Variants in DNAJC11 observed in about 807,000 individuals in gnomAD.
DNAJC11 encodes the protein DnaJ heat shock protein family (Hsp40) member C11, also known as dnaJ homolog subfamily C member 11.
In DNAJC11, 15 loss-of-function variants were observed where a neutral mutation model predicts 78.6. The ratio of observed to expected loss-of-function variants is 0.19; its 90% CI spans 0.13 to 0.29. DNAJC11 has a LOEUF of 0.29. DNAJC11 is among the 10% of genes least tolerant of loss of function. The pLI is 1.00. For missense variants in DNAJC11, 547 were observed against 709.6 expected, an observed-to-expected ratio of 0.77 and a Z score of 2.60; for synonymous variants, 292 against 272.1, an observed-to-expected ratio of 1.07 and a Z score of -0.72.
intron 1 of DNAJC11, among the ~76,000 whole-genome samples, chr1:6,693,230 C>T (rs1406226387): frequency 6.6e-6 from 1 of 152,028 alleles, no homozygotes; most frequent in Non-Finnish European, 1.5e-5. Flanking sequence ...ATTTCATAAA[C>T]TAATGCTTAG....
Position 6,645,796 on chromosome 1 carries a change from G to A in DNAJC11, c.887C>T (p.Ala296Val). 1 of 1,613,878 alleles carries A rather than the reference G, an allele frequency of 6.2e-7. No individual in the cohort carries two copies. The highest frequency in any genetic ancestry group is 8.5e-7 in the Non-Finnish European group (1 of 1,179,754). Residue 296 changes from alanine to valine, a missense_variant, in exon 8 of 16, where the codon GCC becomes GTC. Ala to Val is a moderately conservative substitution (Grantham distance 64, BLOSUM62 0). Transcript: ENST00000377577. The surrounding 1 kb of genome is among the most constrained non-coding windows in gnomAD (Gnocchi z 4.1). ...RDTKTSHFTV[A>V]LQLGIPHSFA... ...GATGGCTGCTCGGCTCACCTGCAGGGCCACAGTGAAGTGGCTGGTTTTAGT... is the reference window on the plus strand; with the variant it reads ...GATGGCTGCTCGGCTCACCTGCAGGACCACAGTGAAGTGGCTGGTTTTAGT...
chr1:6,669,438 C>A (rs1269513115), intron 3 of DNAJC11, among the ~76,000 whole-genome samples: 1 of 151,396 alleles, frequency 6.6e-6, no homozygotes, highest in African/African-American at 2.4e-5. Context: ...TTGAACCCGG[C>A]AGGCGGAGTT....
chr1:6,677,534 T>A (rs1642483725), intron 3 of DNAJC11, among the ~76,000 whole-genome samples: 1 of 152,230 alleles, frequency 6.6e-6, no homozygotes, highest in Admixed American at 6.5e-5. Flanking sequence ...TGGCCTCATG[T>A]GATCCTCCCA....
intron 7 of DNAJC11, among the ~76,000 whole-genome samples, 159 bp downstream of exon 7, chr1:6,651,370 C>A (rs966413022): frequency 1.3e-5 from 2 of 152,220 alleles, no homozygotes; most frequent in African/African-American, 4.8e-5. Flanking sequence ...CTGCACACTG[C>A]CTGGGCTTCA....
At chr1:6,641,575 T>C (rs1248816428) in intron 10 of DNAJC11, among the ~76,000 whole-genome samples, 1 of 151,334 alleles carries the variant, frequency 6.6e-6, no homozygotes, top group East Asian at 1.9e-4. Flanking sequence ...TCTCACTCTG[T>C]CATCTAGGCT....
intron 3 of DNAJC11, among the ~76,000 whole-genome samples, chr1:6,676,741 C>T (rs1262853889): frequency 6.6e-6 from 1 of 151,978 alleles, no homozygotes; most frequent in Non-Finnish European, 1.5e-5. Flanking sequence ...CATGAGCCAC[C>T]AATATGAAGC....
chr1:6,634,805 G>A lies in DNAJC11; in HGVS notation c.*870C>T. On this transcript the variant is annotated 3_prime_UTR_variant, in exon 16 of 16. Transcript: ENST00000377577. ...GCCACCTGCTGGGTACCACGGGCCG[G>A]GCCTGGGGTCCACGCCTTTGGGTTG... 7.8e-7 allele frequency: 1 copy of A among 1,285,848 alleles called. No homozygotes were observed. The highest frequency in any genetic ancestry group is 1.3e-5 in the South Asian group (1 of 77,286). 79.7% of individuals were successfully genotyped at this position (1,285,848 alleles called of 1,614,324 possible). A position where few individuals can be genotyped will look rare whatever the true frequency, so the allele number is the denominator to read the frequency against.
At chr1:6,668,010 TG>T (rs1642318647) in intron 3 of DNAJC11, 200 bp from the exon 4 acceptor site, 1 of 562,880 alleles carries the variant, frequency 1.8e-6, no homozygotes. Context: ...ACTGCCCTCC[TG>T]GCCCTTCCCA....
intron 7 of DNAJC11, chr1:6,651,079 T>G: frequency 3.7e-6 from 2 of 534,190 alleles, no homozygotes; most frequent in South Asian, 1.4e-5. Flanking sequence ...GTTCTAGGAG[T>G]GTGACATGGC....
chr1:6,654,613 G>T (rs943110559), intron 4 of DNAJC11, among the ~76,000 whole-genome samples: 1 of 152,092 alleles, frequency 6.6e-6, no homozygotes, highest in Non-Finnish European at 1.5e-5. Context: ...CTAAAATTTT[G>T]CTGATAAAAA....
chr1:6,681,087 TATC>T, intron 1 of DNAJC11, 50 bp from the exon 2 acceptor site: 3 of 1,552,518 alleles, frequency 1.9e-6, no homozygotes, highest in Non-Finnish European at 2.6e-6. Context: ...ACTTAAACAT[TATC>T]ATCATCAGAA....
chr1:6,637,273 C>T lies in DNAJC11; in HGVS notation c.1449G>A (p.Val483=), dbSNP rs767407742. The T allele has an allele frequency of 1.2e-6, 2 of 1,614,098 alleles. No homozygotes were observed. Among genetic ancestry groups the T allele is most frequent in the Non-Finnish European group, 1.7e-6 (2 of 1,180,054 alleles). Residue 483 remains valine (V), a synonymous_variant, in exon 14 of 16, where the codon GTG becomes GTA. Transcript: ENST00000377577. ...VNDKSRKSEK[V]KVIDVTVPLQ... Reference sequence around the variant, plus strand: ...GGGGCACAGTCACGTCAATCACCTTCACCTTCTCGCTCTTCCTGCTCTTGT... The same window carrying T: ...GGGGCACAGTCACGTCAATCACCTTTACCTTCTCGCTCTTCCTGCTCTTGT...
intron 4 of DNAJC11, among the ~76,000 whole-genome samples, chr1:6,662,424 C>A (rs1045470307): frequency 1.3e-5 from 2 of 152,028 alleles, no homozygotes; most frequent in Non-Finnish European, 2.9e-5. Context: ...AAACTCCTGA[C>A]CTCAGATGAT....
chr1:6,662,488 C>T (rs1055488721), intron 4 of DNAJC11, among the ~76,000 whole-genome samples: 2 of 152,142 alleles, frequency 1.3e-5, no homozygotes, highest in Non-Finnish European at 2.9e-5. Context: ...AGCTGGACTT[C>T]CTGGGTCAGG....
chr1:6,635,823 C>T (rs1253307989), intron 15 of DNAJC11, 123 bp from the exon 16 acceptor site: 23 of 1,235,044 alleles, frequency 1.9e-5, no homozygotes, highest in South Asian at 5.2e-5. Flanking sequence ...GCAGAGCACC[C>T]GCTGCTGAAA....
At chr1:6,650,991 G>A (rs755984737) in intron 7 of DNAJC11, 3 of 509,978 alleles carry the variant, frequency 5.9e-6, no homozygotes, top group Admixed American at 2.0e-5. Context: ...TTTTATCTGA[G>A]CTCACACAGA....
intron 10 of DNAJC11, among the ~76,000 whole-genome samples, chr1:6,642,076 T>G (rs996342611): frequency 6.6e-6 from 1 of 151,936 alleles, no homozygotes; most frequent in African/African-American, 2.4e-5. Context: ...GACTGAGAAA[T>G]AGCAAAGGCC....
chr1:6,652,976 G>A (rs1258642025), intron 5 of DNAJC11, 25 bp from the exon 6 acceptor site: 3 of 1,613,584 alleles, frequency 1.9e-6, no homozygotes, highest in Non-Finnish European at 2.5e-6. Context: ...TGCTGGTAAT[G>A]AATGAATCAA....
Position 6,653,800 on chromosome 1 carries a change from T to C in DNAJC11, c.507+111A>G. 7.2e-7 allele frequency: 1 copy of C among 1,390,202 alleles called. No individual in the cohort carries two copies. Among genetic ancestry groups the C allele is most frequent in the Non-Finnish European group, 9.8e-7 (1 of 1,016,646 alleles). The allele number at this position is 1,390,202 out of a possible 1,614,324, so 86.1% of individuals were successfully genotyped here. On this transcript the variant is annotated intron_variant, in intron 5 of 15. Transcript: ENST00000377577. The surrounding 1 kb of genome is among the most constrained non-coding windows in gnomAD (Gnocchi z 4.5). ...TTAAGTGGCTAATTGCATCCTTTCATAAATAAAGATGAGAAAAACCCTGGG... is the reference window on the plus strand; with the variant it reads ...TTAAGTGGCTAATTGCATCCTTTCACAAATAAAGATGAGAAAAACCCTGGG...
Sources: gnomAD v4.1 joint callset for allele counts (sites outside exome capture counted in the v4.1 genomes callset) on GRCh38, gnomAD v4.1.1 for gene constraint, Gnocchi (gnomAD v3.1) non-coding constraint, MANE v1.5 for transcripts, NCBI Gene and HGNC (gene_info 2026-07-23, HGNC 2026-07-21) for gene names.